Variants in KIAA1958 observed in about 807,000 individuals in gnomAD.
KIAA1958 encodes the protein KIAA1958.
In KIAA1958, 14 loss-of-function variants were observed where a neutral mutation model predicts 47.2. The ratio of observed to expected loss-of-function variants is 0.30; its 90% CI spans 0.20 to 0.46. KIAA1958 has a LOEUF of 0.46. KIAA1958 is among the 20% of genes least tolerant of loss of function. The pLI is 1.00. For synonymous variants in KIAA1958, 354 were observed against 353.3 expected (o/e 1.00, Z -0.02); for missense variants, 803 against 909.2 (o/e 0.88, Z 1.50).
At chr9:112,509,897 C>T (rs1834294532) in intron 1 of KIAA1958, among the ~76,000 whole-genome samples, 1 of 152,074 alleles carries the variant, frequency 6.6e-6, no homozygotes, top group African/African-American at 2.4e-5. Context: ...TCCAAGAGCT[C>T]GAGGGTGAAT....
At chr9:112,593,972 C>T (rs1835972244) in intron 2 of KIAA1958, among the ~76,000 whole-genome samples, 1 of 152,128 alleles carries the variant, frequency 6.6e-6, no homozygotes, top group Admixed American at 6.5e-5. Flanking sequence ...TCAAGCAATC[C>T]TCCCACCTCA....
intron 2 of KIAA1958, chr9:112,582,020 A>G (rs1211289269): frequency 8.3e-6 from 2 of 240,386 alleles, no homozygotes; most frequent in South Asian, 6.4e-5. Flanking sequence ...GAGCAGCCCT[A>G]TTACCTCATT....
intron 3 of KIAA1958, among the ~76,000 whole-genome samples, chr9:112,647,786 A>G (rs1458256013): frequency 6.6e-6 from 1 of 152,246 alleles, no homozygotes; most frequent in Admixed American, 6.5e-5. Context: ...GAGCGCTGTC[A>G]TCTCAGGATT....
At chr9:112,617,015 A>G (rs1421015017) in intron 2 of KIAA1958, among the ~76,000 whole-genome samples, 2 of 152,244 alleles carry the variant, frequency 1.3e-5, no homozygotes, top group East Asian at 1.9e-4. Flanking sequence ...AAGCACAGCA[A>G]TCTGTGAAGA....
chr9:112,554,501 C>CAAT (rs58420693), intron 1 of KIAA1958, among the ~76,000 whole-genome samples: 142,920 of 150,450 alleles, frequency 0.95, 67,941 homozygotes, highest in South Asian at 0.98. Flanking sequence ...GACTCCATCT[C>CAAT]AATAATAATA....
At chr9:112,552,905 C>T (rs1459438824) in intron 1 of KIAA1958, among the ~76,000 whole-genome samples, 3 of 152,136 alleles carry the variant, frequency 2.0e-5, no homozygotes, top group African/African-American at 4.8e-5. Context: ...TGGAGTAGTG[C>T]AGCACATCAT....
chr9:112,645,485 T>C (rs1836959966), intron 2 of KIAA1958, among the ~76,000 whole-genome samples, 165 bp from the exon 3 acceptor site: 1 of 152,236 alleles, frequency 6.6e-6, no homozygotes, highest in Admixed American at 6.5e-5. Context: ...TCCCTACTTA[T>C]TCTAATATAT....
At chr9:112,545,450 T>A (rs1835011994) in intron 1 of KIAA1958, among the ~76,000 whole-genome samples, 1 of 152,234 alleles carries the variant, frequency 6.6e-6, no homozygotes, top group African/African-American at 2.4e-5. Context: ...AGGAAGAAAC[T>A]GTCAAGTCAG....
At chr9:112,626,762 G>C (rs1836620452) in intron 2 of KIAA1958, among the ~76,000 whole-genome samples, 2 of 149,848 alleles carry the variant, frequency 1.3e-5, no homozygotes, top group Admixed American at 6.7e-5. Flanking sequence ...CCATTAGATT[G>C]TTACAACTTT....
intron 2 of KIAA1958, among the ~76,000 whole-genome samples, chr9:112,628,976 T>C (rs1207696478): frequency 6.6e-6 from 1 of 152,162 alleles, no homozygotes; most frequent in African/African-American, 2.4e-5. Flanking sequence ...TGAAAGTGTT[T>C]TAGATTCAAC....
chr9:112,512,683 A>G (rs1385475241), intron 1 of KIAA1958, among the ~76,000 whole-genome samples: 1 of 151,682 alleles, frequency 6.6e-6, no homozygotes, highest in Non-Finnish European at 1.5e-5. Context: ...TGGCCGGGCA[A>G]GATAAGGTCC....
chr9:112,546,522 G>A (rs1461596486), intron 1 of KIAA1958, among the ~76,000 whole-genome samples: 1 of 151,832 alleles, frequency 6.6e-6, no homozygotes, highest in Non-Finnish European at 1.5e-5. Context: ...TGTTGCCCAG[G>A]CTGGAGTGCA....
chr9:112,581,719 TC>T (rs2131181331), intron 2 of KIAA1958: 1 of 172,836 alleles, frequency 5.8e-6, no homozygotes, highest in Non-Finnish European at 1.3e-5. Flanking sequence ...TGAACCCTGC[TC>T]ACAGGCCTGA....
At chr9:112,601,848 A>G (rs982843006) in intron 2 of KIAA1958, among the ~76,000 whole-genome samples, 2 of 152,226 alleles carry the variant, frequency 1.3e-5, no homozygotes, top group Non-Finnish European at 2.9e-5. Context: ...ACTAATGTTT[A>G]TTTAAGTGAT....
chr9:112,601,005 A>G (rs1836121773), intron 2 of KIAA1958, among the ~76,000 whole-genome samples: 1 of 152,208 alleles, frequency 6.6e-6, no homozygotes, highest in African/African-American at 2.4e-5. Context: ...TAGCTCATTA[A>G]GTGGCAGAGC....
chr9:112,619,663 T>A (rs943062367), intron 2 of KIAA1958, among the ~76,000 whole-genome samples: 4 of 152,202 alleles, frequency 2.6e-5, no homozygotes, highest in African/African-American at 7.2e-5. Context: ...GACTGTTACA[T>A]AGCTCATTTT....
At position 112,575,162 on chromosome 9, in the gene KIAA1958, T is replaced by C; in HGVS notation, c.1082T>C (p.Val361Ala). Residue 361 changes from valine to alanine, a missense_variant, in exon 2 of 4, where the codon GTT becomes GCT. Physicochemically the swap from Val to Ala is moderately conservative, Grantham distance 64. Transcript: ENST00000337530. ...SSCEVALSPS[V>A]NTEPEVSSSQ... ...TGTGAGGTAGCCCTTTCTCCCTCAGTTAACACAGAGCCAGAAGTGAGCTCC... is the reference window on the plus strand; with the variant it reads ...TGTGAGGTAGCCCTTTCTCCCTCAGCTAACACAGAGCCAGAAGTGAGCTCC... 6.3e-7 allele frequency: 1 copy of C among 1,599,652 alleles called. No individual in the cohort carries two copies. The highest frequency in any genetic ancestry group is 1.7e-5 in the Admixed American group (1 of 59,974).
chr9:112,562,321 A>T lies in KIAA1958; in HGVS notation c.-24-11736A>T, dbSNP rs186972872. Among the ~76,000 whole-genome samples, 3 of 152,338 alleles carry T rather than the reference A, an allele frequency of 2.0e-5. No individual in the cohort carries two copies. In the East Asian group the frequency reaches 5.8e-4, roughly 29 times the overall value. ...TATCATTTTACAGATAAGGAAACTA[A>T]GGGACCGAGAGGTAAAATAACTTGC... is the stretch of plus-strand genomic sequence containing the variant. On this transcript the variant is annotated intron_variant, in intron 1 of 3. Coordinates refer to ENST00000337530, the MANE Select transcript of KIAA1958 (RefSeq NM_133465.4).
intron 1 of KIAA1958, among the ~76,000 whole-genome samples, chr9:112,502,584 A>G (rs1365370974): frequency 6.6e-6 from 1 of 152,240 alleles, no homozygotes; most frequent in Non-Finnish European, 1.5e-5. Context: ...ATGTGTCAAT[A>G]TATTAAGAGC....
Sources: gnomAD v4.1 joint callset for allele counts (sites outside exome capture counted in the v4.1 genomes callset) on GRCh38, gnomAD v4.1.1 for gene constraint, MANE v1.5 for transcripts, NCBI Gene and HGNC (gene_info 2026-07-23, HGNC 2026-07-21) for gene names.